Variants in MYRIP observed in about 807,000 individuals in gnomAD.
The protein encoded by MYRIP is myosin VIIA and Rab interacting protein.
MYRIP carries 49 observed loss-of-function variants against 98.0 expected under a neutral mutation model. The ratio of observed to expected loss-of-function variants is 0.50; its 90% confidence interval spans 0.40 to 0.63. The LOEUF is 0.63. MYRIP is among the 30% of genes least tolerant of loss of function. MYRIP has a pLI of 0.00. For synonymous variants in MYRIP, 404 were observed against 409.5 expected (o/e 0.99, Z 0.16); for missense variants, 1,004 against 1,058.2 (o/e 0.95, Z 0.71).
intron 2 of MYRIP, among the ~76,000 whole-genome samples, chr3:40,034,825 A>G (rs1024615424): frequency 1.7e-3 from 265 of 152,048 alleles, no homozygotes; most frequent in African/African-American, 6.0e-3. Flanking sequence ...AACCAACCCA[A>G]ATGTCCAACA....
rs1477142929 is a variant in MYRIP, at chr3:40,158,207, G to T, written c.470-4523G>T. 3.3e-5 allele frequency among the ~76,000 whole-genome samples: 5 copies of T among 152,066 alleles called. No homozygotes were observed. In the South Asian group the frequency reaches 6.2e-4, roughly 19 times the overall value. The stretch of plus-strand genomic sequence containing the variant: ...TCCGGTATGTTGTGTCTCTGTTCTC[G>T]TTGGTTTCAAAGAACATATTTATTT... On this transcript the variant is annotated intron_variant, in intron 4 of 16. Coordinates refer to ENST00000302541, the MANE Select transcript of MYRIP (RefSeq NM_015460.4).
intron 2 of MYRIP, among the ~76,000 whole-genome samples, chr3:39,933,153 C>A (rs1224513076): frequency 1.3e-5 from 2 of 152,146 alleles, no homozygotes; most frequent in Non-Finnish European, 2.9e-5. Flanking sequence ...GCATTAAGAA[C>A]CTTTCGTGCA....
chr3:39,860,981 C>T (rs1461447778), intron 1 of MYRIP, among the ~76,000 whole-genome samples: 1 of 152,236 alleles, frequency 6.6e-6, no homozygotes, highest in Non-Finnish European at 1.5e-5. Context: ...AATGCCCTGT[C>T]TCAGCCAACA....
chr3:40,125,476 A>C (rs532895941), intron 3 of MYRIP, among the ~76,000 whole-genome samples: 1 of 152,264 alleles, frequency 6.6e-6, no homozygotes, highest in Non-Finnish European at 1.5e-5. Context: ...GATTGTGCCC[A>C]CCAGATTAAG....
At chr3:40,248,430 C>T (rs931355881) in intron 13 of MYRIP, 10 of 152,212 alleles carry the variant, frequency 6.6e-5, no homozygotes, top group African/African-American at 2.2e-4. Flanking sequence ...CTGAATTGGT[C>T]ATCCCCTTCT....
At chr3:40,211,023 A>G (rs1447122437) in intron 11 of MYRIP, among the ~76,000 whole-genome samples, 1 of 152,150 alleles carries the variant, frequency 6.6e-6, no homozygotes, top group Non-Finnish European at 1.5e-5. Context: ...ACACATGTTC[A>G]TTAGGTCCTT....
intron 3 of MYRIP, among the ~76,000 whole-genome samples, chr3:40,099,694 T>C (rs139226624): frequency 6.6e-6 from 1 of 152,338 alleles, no homozygotes; most frequent in African/African-American, 2.4e-5. Context: ...CTGTACAGTC[T>C]CTTGCTGCTA....
At chr3:39,980,009 A>G (rs1467494603) in intron 2 of MYRIP, among the ~76,000 whole-genome samples, 2 of 152,246 alleles carry the variant, frequency 1.3e-5, no homozygotes, top group Non-Finnish European at 2.9e-5. Context: ...GGAGGCAGAA[A>G]TTAGTCAAAG....
At chr3:39,969,485 A>T (rs1945523350) in intron 2 of MYRIP, among the ~76,000 whole-genome samples, 1 of 152,034 alleles carries the variant, frequency 6.6e-6, no homozygotes, top group Admixed American at 6.6e-5. Flanking sequence ...TACTGTTTTG[A>T]GGTATGTTCC....
intron 1 of MYRIP, among the ~76,000 whole-genome samples, chr3:39,828,497 A>G (rs1420394410): frequency 3.3e-5 from 5 of 151,866 alleles, no homozygotes; most frequent in Non-Finnish European, 5.9e-5. Flanking sequence ...TTATTTTTCC[A>G]TAAGTTATTG....
At chr3:40,020,043 G>A (rs768195350) in intron 2 of MYRIP, among the ~76,000 whole-genome samples, 10 of 151,982 alleles carry the variant, frequency 6.6e-5, no homozygotes, top group Non-Finnish European at 1.5e-4. Context: ...TTGTTACATG[G>A]GTATATTGCA....
At chr3:39,871,695 A>G (rs1942794580) in intron 1 of MYRIP, among the ~76,000 whole-genome samples, 1 of 152,126 alleles carries the variant, frequency 6.6e-6, no homozygotes, top group African/African-American at 2.4e-5. Flanking sequence ...ATTATTATTA[A>G]TGATTATCAT....
intron 2 of MYRIP, among the ~76,000 whole-genome samples, chr3:40,033,518 G>A (rs571164625): frequency 9.8e-5 from 15 of 152,318 alleles, no homozygotes; most frequent in South Asian, 6.2e-4. Flanking sequence ...AACAACGGAC[G>A]TGAAGGACCT....
intron 12 of MYRIP, among the ~76,000 whole-genome samples, chr3:40,244,025 CTCTT>C (rs1421669095): frequency 6.6e-6 from 1 of 152,150 alleles, no homozygotes; most frequent in East Asian, 1.9e-4. Context: ...ATTATTTCCC[CTCTT>C]TCTTGTTTTC....
intron 4 of MYRIP, among the ~76,000 whole-genome samples, chr3:40,155,447 A>C (rs1212226772): frequency 1.3e-5 from 2 of 152,054 alleles, no homozygotes; most frequent in African/African-American, 4.8e-5. Flanking sequence ...TGCCGCACTA[A>C]ACATACGTGT....
chr3:40,102,695 C>T (rs924388673), intron 3 of MYRIP, among the ~76,000 whole-genome samples: 10 of 152,008 alleles, frequency 6.6e-5, no homozygotes, highest in East Asian at 5.9e-4. Flanking sequence ...CTGTAGCAGC[C>T]GGGAGTGTCA....
intron 11 of MYRIP, among the ~76,000 whole-genome samples, chr3:40,225,239 G>A (rs1237575164): frequency 2.6e-5 from 4 of 152,104 alleles, no homozygotes; most frequent in Admixed American, 6.5e-5. Context: ...ATCCTTTCTC[G>A]CTTGTGGTCA....
At chr3:40,230,821 CTTT>C (rs111618117) in intron 11 of MYRIP, among the ~76,000 whole-genome samples, 1 of 141,172 alleles carries the variant, frequency 7.1e-6, no homozygotes, top group Non-Finnish European at 1.6e-5. Flanking sequence ...GTCACTTCTT[CTTT>C]TTTTTTTTTT....
Position 40,027,556 on chromosome 3 carries a change from C to G in MYRIP, c.111-16494C>G, listed in dbSNP as rs1274882197. ...TGCCACTTCCCCAGAGAAGCCCTCT[C>G]TTGCCACCAATCTAAAGTAGGTCCT... On this transcript the variant is annotated intron_variant, in intron 2 of 16. Coordinates refer to ENST00000302541, the MANE Select transcript of MYRIP (RefSeq NM_015460.4). Among the ~76,000 whole-genome samples, 4 of 152,134 alleles carry G rather than the reference C, an allele frequency of 2.6e-5. No individual in the cohort carries two copies. The East Asian group carries it at 7.7e-4, about 29-fold the overall frequency.
Sources: gnomAD v4.1 joint callset for allele counts (sites outside exome capture counted in the v4.1 genomes callset) on GRCh38, gnomAD v4.1.1 for gene constraint, MANE v1.5 for transcripts, NCBI Gene and HGNC (gene_info 2026-07-23, HGNC 2026-07-21) for gene names.